The following AFF3 variants were observed in gnomAD, a reference collection of about 807,000 sequenced individuals.
AFF3 encodes the protein AF4/FMR2 family member 3.
AFF3 carries 32 observed loss-of-function variants against 129.7 expected under a neutral mutation model. The ratio of observed to expected loss-of-function variants is 0.25; its 90% confidence interval spans 0.19 to 0.33. The LOEUF (loss-of-function observed/expected upper bound fraction) is 0.33, where lower values mean the gene tolerates loss of function less well. Among genes scored for constraint, AFF3 ranks in the 10% least tolerant of loss-of-function variants. The pLI is 1.00. For synonymous variants in AFF3, 644 were observed against 635.4 expected (o/e 1.01, Z -0.20); for missense variants, 1,373 against 1,592.0 (o/e 0.86, Z 2.34).
At chr2:100,114,224 GCA>G (rs779249315) in intron 2 of AFF3, among the ~76,000 whole-genome samples, 1 of 152,160 alleles carries the variant, frequency 6.6e-6, no homozygotes, top group African/African-American at 2.4e-5. Context: ...CCTTCCCTCT[GCA>G]CAGAGCTGGC....
chr2:99,725,028 T>C (rs1679245389), intron 11 of AFF3, among the ~76,000 whole-genome samples: 1 of 152,078 alleles, frequency 6.6e-6, no homozygotes, highest in African/African-American at 2.4e-5. Context: ...TGGAGTGCAG[T>C]GGTGCGATCT....
At chr2:99,704,552 T>G (rs1677180042) in intron 11 of AFF3, among the ~76,000 whole-genome samples, 1 of 152,172 alleles carries the variant, frequency 6.6e-6, no homozygotes. Context: ...TTGAGGCCTA[T>G]TCTCAAGAGA....
chr2:99,607,336 G>A (rs1393704735), intron 13 of AFF3, among the ~76,000 whole-genome samples: 1 of 151,952 alleles, frequency 6.6e-6, no homozygotes, highest in Non-Finnish European at 1.5e-5. Context: ...TTTGAGACCA[G>A]CCCGGCCAAC....
intron 8 of AFF3, among the ~76,000 whole-genome samples, chr2:99,781,834 AT>A (rs1322591949): frequency 6.6e-6 from 1 of 152,360 alleles, no homozygotes; most frequent in East Asian, 1.9e-4. Flanking sequence ...TTGTTACCAG[AT>A]TAACCAAGTA....
intron 8 of AFF3, among the ~76,000 whole-genome samples, chr2:99,798,383 T>C (rs942308645): frequency 1.3e-5 from 2 of 151,976 alleles, no homozygotes; most frequent in African/African-American, 4.8e-5. Context: ...GCTAACTGCA[T>C]TGAATTACAT....
rs79095930 is a variant in AFF3 at position 99,873,660 on chromosome 2, A to G, written c.874-36136T>C. 3.2e-3 allele frequency among the ~76,000 whole-genome samples: 484 copies of G among 152,274 alleles called. 4 individuals carry two copies. The highest frequency in any genetic ancestry group is 5.2e-3 in the Non-Finnish European group (356 of 68,026). ...TGGAGATGCCATCTATGGACTGGCT[A>G]TAAGGAGATCAGACATCATTTGAGG... On this transcript the variant is annotated intron_variant, in intron 7 of 24. Coordinates refer to ENST00000672756, the MANE Select transcript of AFF3 (RefSeq NM_001386135.1).
intron 8 of AFF3, among the ~76,000 whole-genome samples, chr2:99,813,770 T>C (rs1490921944): frequency 6.6e-6 from 1 of 152,142 alleles, no homozygotes; most frequent in Non-Finnish European, 1.5e-5. Flanking sequence ...CCTCAACAAC[T>C]CTGCTTTATT....
chr2:99,860,589 G>A (rs368216793), intron 7 of AFF3, among the ~76,000 whole-genome samples: 4 of 151,954 alleles, frequency 2.6e-5, no homozygotes, highest in East Asian at 1.9e-4. Context: ...TTAGCCAGGC[G>A]TGGTGGTGTG....
At chr2:99,905,253 G>A (rs1376445240) in intron 7 of AFF3, among the ~76,000 whole-genome samples, 2 of 152,176 alleles carry the variant, frequency 1.3e-5, no homozygotes, top group Admixed American at 6.5e-5. Flanking sequence ...TCACAGAGTT[G>A]CCCTGGAGAT....
intron 7 of AFF3, among the ~76,000 whole-genome samples, chr2:99,985,464 G>T (rs779179706): frequency 6.6e-6 from 1 of 152,122 alleles, no homozygotes; most frequent in African/African-American, 2.4e-5. Context: ...AAAAGGAATC[G>T]CATTTGACCT....
chr2:99,804,269 G>C (rs1054469370), intron 8 of AFF3, among the ~76,000 whole-genome samples: 1 of 151,876 alleles, frequency 6.6e-6, no homozygotes, highest in Non-Finnish European at 1.5e-5. Context: ...TCAAAACATA[G>C]GCAAATGACA....
chr2:99,708,056 A>T (rs111651141), intron 11 of AFF3, among the ~76,000 whole-genome samples: 9 of 152,356 alleles, frequency 5.9e-5, no homozygotes, highest in African/African-American at 2.2e-4. Context: ...GTAAACAACA[A>T]ACAAATTTTT....
intron 18 of AFF3, among the ~76,000 whole-genome samples, chr2:99,570,340 TTTG>T (rs1470081020): frequency 2.6e-5 from 4 of 152,314 alleles, no homozygotes; most frequent in South Asian, 2.1e-4. Context: ...TGATGTTATT[TTTG>T]TTGTTGTTTT....
At chr2:99,965,329 A>C (rs1000511073) in intron 7 of AFF3, among the ~76,000 whole-genome samples, 4 of 152,226 alleles carry the variant, frequency 2.6e-5, no homozygotes, top group African/African-American at 9.6e-5. Flanking sequence ...AGGGGAAAAG[A>C]AGCCTTAGTC....
In AFF3 at chr2:100,079,564, T is replaced by C. The variant is rs149852073; in HGVS notation, c.53+24838A>G. ...GAATTCAACTGGTATACACAGTTCCTGCTTAGCTCCCAGAAATGAATCTAG... is the reference window on the plus strand; with the variant it reads ...GAATTCAACTGGTATACACAGTTCCCGCTTAGCTCCCAGAAATGAATCTAG... On this transcript the variant is annotated intron_variant, in intron 4 of 24. Coordinates refer to ENST00000672756, the MANE Select transcript of AFF3 (RefSeq NM_001386135.1). Among the ~76,000 whole-genome samples, 1,417 of 152,310 alleles carry C rather than the reference T, an allele frequency of 9.3e-3. 25 individuals carry two copies. The highest frequency in any genetic ancestry group is 0.032 in the African/African-American group (1,336 of 41,566).
chr2:100,105,358 A>G, intron 3 of AFF3, 146 bp downstream of exon 3: 5 of 1,246,468 alleles, frequency 4.0e-6, no homozygotes, highest in Non-Finnish European at 5.2e-6. Context: ...TGGAGCCCGC[A>G]AGTTCAGCGA....
At chr2:99,979,184 C>G (rs1243614483) in intron 7 of AFF3, among the ~76,000 whole-genome samples, 11 of 152,064 alleles carry the variant, frequency 7.2e-5, no homozygotes, top group Admixed American at 7.2e-4. Flanking sequence ...GTGCAAAGAC[C>G]CTGCAGTGTG....
intron 11 of AFF3, among the ~76,000 whole-genome samples, chr2:99,700,183 C>A (rs1022493930): frequency 4.6e-5 from 7 of 151,472 alleles, no homozygotes; most frequent in African/African-American, 1.7e-4. Flanking sequence ...TGCAGTGGTG[C>A]GATCTCAGCT....
At chr2:99,555,912 C>T (rs1176459942) in intron 22 of AFF3, among the ~76,000 whole-genome samples, 2 of 152,156 alleles carry the variant, frequency 1.3e-5, no homozygotes, top group African/African-American at 4.8e-5. Context: ...TCAGGAAATA[C>T]AATTATTTTC....
Sources: allele counts gnomAD v4.1 joint callset (sites outside exome capture counted in the v4.1 genomes callset), GRCh38; gene constraint gnomAD v4.1.1; transcripts MANE v1.5; gene names NCBI Gene and HGNC (gene_info 2026-07-23, HGNC 2026-07-21).